The following ADAM23 variants were observed in gnomAD, a reference collection of about 807,000 sequenced individuals.
The protein encoded by ADAM23 is disintegrin and metalloproteinase domain-containing protein 23.
Under a neutral mutation model 120.1 loss-of-function variants are expected in ADAM23, and 33 were observed. That is an observed-to-expected ratio of 0.27 (90% CI 0.21 to 0.37). The LOEUF is 0.37. ADAM23 is among the 10% of genes least tolerant of loss of function. The probability of loss-of-function intolerance (pLI) is 1.00; values close to 1 mark genes in which losing one functional copy is unlikely to be tolerated. For synonymous variants in ADAM23, 367 were observed against 375.2 expected, an observed-to-expected ratio of 0.98 and a Z score of 0.25; for missense variants, 862 against 1,058.2, an observed-to-expected ratio of 0.81 and a Z score of 2.57.
At position 206,596,558 on chromosome 2, in the gene ADAM23, C is replaced by T. The variant is rs1246912556; in HGVS notation, c.2359+396C>T. Among the ~76,000 whole-genome samples, 7 of 152,138 alleles carry T rather than the reference C, an allele frequency of 4.6e-5. No individual in the cohort carries two copies. In the East Asian group the frequency reaches 5.8e-4, roughly 13 times the overall value. On this transcript the variant is annotated intron_variant, in intron 24 of 25. Transcript: ENST00000264377. Reference sequence around the variant, plus strand: ...TTACTTTTCAATGTTGGAATCTCTCCGGAAGGAAGTTGTCACCTTACAAGC... The same window carrying T: ...TTACTTTTCAATGTTGGAATCTCTCTGGAAGGAAGTTGTCACCTTACAAGC...
chr2:206,550,598 T>C (rs1697494386), intron 9 of ADAM23, among the ~76,000 whole-genome samples: 1 of 150,516 alleles, frequency 6.6e-6, no homozygotes, highest in Non-Finnish European at 1.5e-5. Flanking sequence ...TGACTTATCG[T>C]CTTTTTTTTT....
At chr2:206,479,119 C>A (rs1482478718) in intron 2 of ADAM23, among the ~76,000 whole-genome samples, 1 of 152,208 alleles carries the variant, frequency 6.6e-6, no homozygotes, top group South Asian at 2.1e-4. Flanking sequence ...GTATGATTTA[C>A]TAGCTCTTTG....
rs577379429 is a variant in ADAM23, at chr2:206,480,909, A to G, written c.433-323A>G. On this transcript the variant is annotated intron_variant, in intron 2 of 25. Coordinates refer to ENST00000264377, the MANE Select transcript of ADAM23 (RefSeq NM_003812.4). Reference sequence around the variant, plus strand: ...TTTATGCACAAAACGGGCTGAAATCAAGCTTTAATTAGTCAGACTTTTGCA... The same window carrying G: ...TTTATGCACAAAACGGGCTGAAATCGAGCTTTAATTAGTCAGACTTTTGCA... Among the ~76,000 whole-genome samples the G allele has an allele frequency of 4.9e-3, 750 of 152,336 alleles. 2 individuals carry two copies. The highest frequency in any genetic ancestry group is 0.014 in the Middle Eastern group (4 of 294).
intron 17 of ADAM23, among the ~76,000 whole-genome samples, chr2:206,572,249 C>T (rs1698016179): frequency 6.6e-6 from 1 of 151,906 alleles, no homozygotes; most frequent in African/African-American, 2.4e-5. Flanking sequence ...TTTTAAAATC[C>T]CCTGTAAAGG....
Position 206,542,073 on chromosome 2 carries a change from C to A in ADAM23, c.595C>A (p.His199Asn). 6.2e-7 allele frequency: 1 copy of A among 1,614,132 alleles called. No individual in the cohort carries two copies. Among genetic ancestry groups the A allele is most frequent in the Non-Finnish European group, 8.5e-7 (1 of 1,180,006 alleles). Residue 199 changes from histidine (H) to asparagine (N), a missense_variant, in exon 5 of 26, where the codon CAT becomes AAT. Transcript: ENST00000264377. ...YSKGGEHCYY[H>N]GSIRGVKDSK... ...CCAGGGTGGAGAGCACTGTTACTAC[C>A]ATGGAAGCATCAGAGGCGTCAAAGA...
In ADAM23 at chr2:206,493,448, C is replaced by A. The variant is rs183909724; in HGVS notation, c.509+12140C>A. On this transcript the variant is annotated intron_variant, in intron 3 of 25. Transcript: ENST00000264377. Reference sequence around the variant, plus strand: ...AGTGCAGTGGCGCGATCTCGGCTCACTGCAACCTCTACCTCCCAGGTTCAA... The same window carrying A: ...AGTGCAGTGGCGCGATCTCGGCTCAATGCAACCTCTACCTCCCAGGTTCAA... 1.7e-4 allele frequency among the ~76,000 whole-genome samples: 26 copies of A among 152,356 alleles called. No individual in the cohort carries two copies. The East Asian group carries it at 4.4e-3, about 26-fold the overall frequency.
At chr2:206,483,679 A>G (rs536143122) in intron 3 of ADAM23, among the ~76,000 whole-genome samples, 17 of 152,296 alleles carry the variant, frequency 1.1e-4, no homozygotes, top group African/African-American at 3.8e-4. Flanking sequence ...TCTGCAGTAG[A>G]GCCATCTACT....
Position 206,516,109 on chromosome 2 carries a change from A to G in ADAM23, c.510-14776A>G, listed in dbSNP as rs1206131804. ...TATATACCCACCATCCAGGTTGAGA[A>G]ATAGAACATTGCTTGTGTCTCAGAA... On this transcript the variant is annotated intron_variant, in intron 3 of 25. Coordinates refer to ENST00000264377, the MANE Select transcript of ADAM23 (RefSeq NM_003812.4). Among the ~76,000 whole-genome samples the G allele has an allele frequency of 2.6e-5, 4 of 152,002 alleles. No individual in the cohort carries two copies. The East Asian group carries it at 7.7e-4, about 29-fold the overall frequency.
intron 3 of ADAM23, among the ~76,000 whole-genome samples, chr2:206,497,092 A>G (rs958823472): frequency 6.6e-6 from 1 of 152,232 alleles, no homozygotes; most frequent in African/African-American, 2.4e-5. Context: ...AGCTGGTACC[A>G]TTCCTTCTGA....
chr2:206,574,124 C>CT (rs555565493), intron 18 of ADAM23, among the ~76,000 whole-genome samples: 5 of 152,176 alleles, frequency 3.3e-5, no homozygotes, highest in African/African-American at 1.2e-4. Context: ...CCGTCACACA[C>CT]TTTCACCATA....
At position 206,592,712 on chromosome 2, in the gene ADAM23, A is replaced by G. The variant is rs1161343466; in HGVS notation, c.2054A>G (p.His685Arg). The change falls in exon 22 of 26, where the codon CAT (histidine) becomes CGT (arginine). Residue 685 changes from histidine (H) to arginine (R), a missense_variant. Physicochemically the swap from His to Arg is conservative, Grantham distance 29. Around this residue, in one of 4 missense-constraint regions of ADAM23, gnomAD observed 617 missense variants for 813.5 expected, o/e 0.76. Coordinates refer to ENST00000264377, the MANE Select transcript of ADAM23 (RefSeq NM_003812.4). ...QGEIIPTSFY[H>R]QGRVIDCSGA... ...GAGATCATTCCAACTTCCTTCTACC[A>G]TCAAGGCCGGGTGATTGACTGCAGG... 4 of 1,613,896 alleles carry G rather than the reference A, an allele frequency of 2.5e-6. No individual in the cohort carries two copies. The highest frequency in any genetic ancestry group is 3.4e-6 in the Non-Finnish European group (4 of 1,179,944).
intron 8 of ADAM23, 85 bp from the exon 9 acceptor site, chr2:206,550,010 A>G: frequency 1.3e-6 from 1 of 773,276 alleles, no homozygotes; most frequent in Non-Finnish European, 2.0e-6. Context: ...TCTGAAATTC[A>G]AAGTCTTATC....
In ADAM23 at chr2:206,619,419, G is replaced by A. The variant is rs1005030767; in HGVS notation, c.*1792G>A. On this transcript the variant is annotated 3_prime_UTR_variant, in exon 26 of 26. Transcript: ENST00000264377. ...AATTTGGTCCCGGCTTTGTTTTAAT[G>A]TACAAACCGGTATGTGATCACTTCA... is the stretch of plus-strand genomic sequence containing the variant. 2.0e-5 allele frequency: 3 copies of A among 152,022 alleles called. No individual in the cohort carries two copies. The highest frequency in any genetic ancestry group is 2.9e-5 in the Non-Finnish European group (2 of 68,024). 9.4% of individuals were successfully genotyped at this position (152,022 alleles called of 1,614,324 possible). A position where few individuals can be genotyped will look rare whatever the true frequency, so the allele number is the denominator to read the frequency against.
chr2:206,569,945 G>A (rs1252955880), intron 15 of ADAM23, among the ~76,000 whole-genome samples: 2 of 152,044 alleles, frequency 1.3e-5, no homozygotes, highest in Non-Finnish European at 2.9e-5. Flanking sequence ...GGAGTGTGCT[G>A]CTCCAGCCTT....
intron 4 of ADAM23, among the ~76,000 whole-genome samples, chr2:206,538,175 ATT>A (rs751315490): frequency 6.6e-6 from 1 of 152,112 alleles, no homozygotes; most frequent in East Asian, 1.9e-4. Flanking sequence ...CTGCAAGAAC[ATT>A]TTCCCCATTA....
chr2:206,577,183 G>A (rs1285204422), intron 18 of ADAM23, among the ~76,000 whole-genome samples: 1 of 151,826 alleles, frequency 6.6e-6, no homozygotes, highest in East Asian at 1.9e-4. Flanking sequence ...TCTTTTATTA[G>A]CCTAAACTAA....
intron 21 of ADAM23, among the ~76,000 whole-genome samples, chr2:206,591,023 G>T (rs143078964): frequency 2.0e-3 from 298 of 152,224 alleles, no homozygotes; most frequent in African/African-American, 6.3e-3. Flanking sequence ...TAATGTGTTT[G>T]AAACTTGAAA....
At chr2:206,477,897 A>AAAATATAT (rs374524658) in intron 2 of ADAM23, among the ~76,000 whole-genome samples, 1 of 93,604 alleles carries the variant, frequency 1.1e-5, no homozygotes, top group African/African-American at 5.2e-5. Flanking sequence ...AAAAAAAAAA[A>AAAATATAT]ATATATATAT....
chr2:206,539,195 A>G (rs1047243479), intron 4 of ADAM23, among the ~76,000 whole-genome samples: 8 of 152,114 alleles, frequency 5.3e-5, no homozygotes, highest in African/African-American at 1.4e-4. Flanking sequence ...AAAGGTAGGG[A>G]GCATACTAGG....
Sources: allele counts gnomAD v4.1 joint callset (sites outside exome capture counted in the v4.1 genomes callset), GRCh38; gene constraint gnomAD v4.1.1; regional missense constraint gnomAD v4.1.1; transcripts MANE v1.5; gene names NCBI Gene and HGNC (gene_info 2026-07-23, HGNC 2026-07-21).